Variants in CATSPERB observed in about 807,000 individuals in gnomAD.
CATSPERB encodes cation channel sperm-associated auxiliary subunit beta.
In CATSPERB, 93 loss-of-function variants were observed where a neutral mutation model predicts 128.3. The observed-to-expected ratio is 0.72, with a 90% CI of 0.61 to 0.86. The LOEUF (loss-of-function observed/expected upper bound fraction) is 0.86. Among genes scored for constraint, CATSPERB ranks in the 40% least tolerant of loss-of-function variants. CATSPERB has a pLI of 0.00. For synonymous variants in CATSPERB, 381 were observed against 448.8 expected, an observed-to-expected ratio of 0.85 and a Z score of 1.91; for missense variants, 1,153 against 1,329.5, an observed-to-expected ratio of 0.87 and a Z score of 2.06.
chr14:91,675,129 T>C (rs192152951), intron 11 of CATSPERB, among the ~76,000 whole-genome samples: 2 of 152,334 alleles, frequency 1.3e-5, no homozygotes, highest in African/African-American at 2.4e-5. Flanking sequence ...GCATTTTGAG[T>C]GGTCTAGTCT....
At chr14:91,621,314 C>T (rs773884096) in intron 19 of CATSPERB, among the ~76,000 whole-genome samples, 4 of 152,112 alleles carry the variant, frequency 2.6e-5, no homozygotes, top group African/African-American at 9.7e-5. Flanking sequence ...GCAGGAGAAT[C>T]GCTTGAACCC....
intron 15 of CATSPERB, among the ~76,000 whole-genome samples, chr14:91,650,509 C>G (rs764262659): frequency 5.9e-5 from 9 of 152,150 alleles, no homozygotes; most frequent in Admixed American, 2.0e-4. Context: ...GAATATGCAA[C>G]AGGCATTGTT....
chr14:91,587,835 CATATACTTTAAAGGT>C, intron 25 of CATSPERB, 128 bp downstream of exon 25: 1 of 626,918 alleles, frequency 1.6e-6, no homozygotes, highest in Non-Finnish European at 2.8e-6. Flanking sequence ...AAACCCTCTT[CATATACTTTAAAGGT>C]ATATACTTTA....
chr14:91,664,053 A>C (rs1325483711), intron 14 of CATSPERB, among the ~76,000 whole-genome samples: 2 of 152,138 alleles, frequency 1.3e-5, no homozygotes, highest in Non-Finnish European at 2.9e-5. Context: ...TTATAGTATC[A>C]GACAGAAGAG....
At chr14:91,716,706 C>T (rs1447710059) in intron 5 of CATSPERB, among the ~76,000 whole-genome samples, 1 of 145,558 alleles carries the variant, frequency 6.9e-6, no homozygotes, top group African/African-American at 2.6e-5. Flanking sequence ...TACATATTTA[C>T]AAGCATACAC....
intron 14 of CATSPERB, among the ~76,000 whole-genome samples, chr14:91,661,610 G>GCCA (rs1283720561): frequency 2.0e-5 from 3 of 149,882 alleles, no homozygotes; most frequent in Non-Finnish European, 4.4e-5. Flanking sequence ...TTGGCTCACT[G>GCCA]CCACCTCTGC....
At position 91,660,124 on chromosome 14, in the gene CATSPERB, A is replaced by G. The variant is rs1470949513; in HGVS notation, c.1288-143T>C. 5.6e-5 allele frequency: 34 copies of G among 602,158 alleles called. No homozygotes were observed. In the East Asian group the frequency reaches 8.6e-4, roughly 15 times the overall value. The allele number at this position is 602,158 out of a possible 1,614,324, so 37.3% of individuals were successfully genotyped here. A position where few individuals can be genotyped will look rare whatever the true frequency, so the allele number is the denominator to read the frequency against. On this transcript the variant is annotated intron_variant, in intron 14 of 26. Transcript: ENST00000256343. ...ATCTCTCTCTCTCTCTCTCACACAC[A>G]CACACACACACACACACACACTCGT...
intron 13 of CATSPERB, among the ~76,000 whole-genome samples, chr14:91,670,742 G>A (rs146536508): frequency 1.2e-3 from 180 of 152,064 alleles, no homozygotes; most frequent in African/African-American, 3.7e-3. Flanking sequence ...AGTGGCTTAC[G>A]CCTATAATCC....
intron 11 of CATSPERB, among the ~76,000 whole-genome samples, chr14:91,679,646 A>T (rs1420235289): frequency 6.6e-6 from 1 of 152,232 alleles, no homozygotes; most frequent in African/African-American, 2.4e-5. Context: ...TGGTTAGATG[A>T]ATATTGTTTT....
At chr14:91,725,602 G>T (rs540855028) in intron 2 of CATSPERB, among the ~76,000 whole-genome samples, 16 of 152,076 alleles carry the variant, frequency 1.1e-4, no homozygotes, top group Admixed American at 2.0e-4. Flanking sequence ...GGGTCTGTTG[G>T]GCACACTAAA....
intron 21 of CATSPERB, among the ~76,000 whole-genome samples, chr14:91,608,845 T>C (rs1245792135): frequency 6.6e-6 from 1 of 152,218 alleles, no homozygotes; most frequent in Non-Finnish European, 1.5e-5. Flanking sequence ...GGTAGATATA[T>C]AGTTGACCCT....
intron 20 of CATSPERB, among the ~76,000 whole-genome samples, chr14:91,617,165 T>C (rs570576209): frequency 6.6e-6 from 1 of 152,336 alleles, no homozygotes; most frequent in Admixed American, 6.5e-5. Context: ...CAATTGCTAC[T>C]GTTTCTTGTT....
intron 21 of CATSPERB, among the ~76,000 whole-genome samples, chr14:91,610,123 T>C (rs137982291): frequency 1.8e-3 from 268 of 152,298 alleles, no homozygotes; most frequent in African/African-American, 6.3e-3. Flanking sequence ...AAAATCCGCA[T>C]GTAAGTGGAC....
At chr14:91,651,423 A>G (rs143408167) in intron 15 of CATSPERB, among the ~76,000 whole-genome samples, 3 of 152,318 alleles carry the variant, frequency 2.0e-5, no homozygotes, top group Non-Finnish European at 2.9e-5. Context: ...TTTTACTATC[A>G]CTGTTGCTCC....
intron 22 of CATSPERB, among the ~76,000 whole-genome samples, chr14:91,601,132 A>T (rs1276801125): frequency 2.0e-5 from 3 of 152,168 alleles, no homozygotes; most frequent in African/African-American, 7.2e-5. Context: ...GAATCTTAAA[A>T]TTTTTTGATA....
intron 17 of CATSPERB, among the ~76,000 whole-genome samples, chr14:91,630,088 G>T (rs1300803650): frequency 6.6e-6 from 1 of 152,184 alleles, no homozygotes; most frequent in Non-Finnish European, 1.5e-5. Flanking sequence ...GCCTAGAATG[G>T]TGCCAAATTC....
chr14:91,665,754 C>T (rs1894973338), intron 14 of CATSPERB, among the ~76,000 whole-genome samples: 1 of 152,112 alleles, frequency 6.6e-6, no homozygotes, highest in Non-Finnish European at 1.5e-5. Flanking sequence ...CCTGTAATCC[C>T]AGCTACTTGG....
At chr14:91,726,991 A>C (rs940525012) in intron 2 of CATSPERB, among the ~76,000 whole-genome samples, 2 of 152,218 alleles carry the variant, frequency 1.3e-5, no homozygotes, top group Non-Finnish European at 2.9e-5. Flanking sequence ...TAGGCTTCCC[A>C]CCAGCACAGG....
In CATSPERB at chr14:91,617,604, A is replaced by G. The variant is rs549008430; in HGVS notation, c.2393T>C (p.Leu798Ser). The G allele has an allele frequency of 1.3e-6, 2 of 1,579,896 alleles. No homozygotes were observed. The highest frequency in any genetic ancestry group is 1.2e-5 in the South Asian group (1 of 83,486). ...AAATGAAGAAAATCCTACCTGATGT[A>G]AAACTTTGCTAGCTGCAGAAATTGT... ...VITISAASKV[L>S]HQGSTSLAFI... Residue 798 changes from leucine (L) to serine (S), a missense_variant, in exon 20 of 27, where the codon TTA becomes TCA. Physicochemically the swap from Leu to Ser is moderately radical, Grantham distance 145. Coordinates refer to ENST00000256343, the MANE Select transcript of CATSPERB (RefSeq NM_024764.4).
Sources: allele counts gnomAD v4.1 joint callset (sites outside exome capture counted in the v4.1 genomes callset), GRCh38; gene constraint gnomAD v4.1.1; transcripts MANE v1.5; gene names NCBI Gene and HGNC (gene_info 2026-07-23, HGNC 2026-07-21).